FILIP1L: variants seen among roughly 807,000 people sequenced by gnomAD.
FILIP1L encodes filamin A interacting protein 1 like, also known as filamin A-interacting protein 1-like.
A neutral mutation model predicts 96.6 loss-of-function variants in FILIP1L; 55 were observed. That is an observed-to-expected ratio of 0.57 (90% CI 0.46 to 0.71). The LOEUF is 0.71. Among genes scored for constraint, FILIP1L ranks in the 30% least tolerant of loss-of-function variants. FILIP1L has a pLI of 0.00. For synonymous variants in FILIP1L, 467 were observed against 473.9 expected (o/e 0.99, Z 0.19); for missense variants, 1,304 against 1,321.2 (o/e 0.99, Z 0.20).
intron 1 of FILIP1L, among the ~76,000 whole-genome samples, chr3:99,958,795 G>T (rs1708412557): frequency 6.6e-6 from 1 of 152,150 alleles, no homozygotes; most frequent in African/African-American, 2.4e-5. Context: ...AGTGGAACAG[G>T]CAGAGAAGGG....
chr3:100,092,813 T>A (rs546507918), intron 1 of FILIP1L, among the ~76,000 whole-genome samples: 22 of 151,880 alleles, frequency 1.4e-4, no homozygotes, highest in African/African-American at 5.1e-4. Context: ...GGATCAGAAG[T>A]ATCTATTACC....
At chr3:100,075,697 A>T (rs994254791) in intron 1 of FILIP1L, 6 of 152,064 alleles carry the variant, frequency 3.9e-5, no homozygotes, top group African/African-American at 1.4e-4. Flanking sequence ...ATTACACAAC[A>T]TGGTAATAAC....
intron 1 of FILIP1L, among the ~76,000 whole-genome samples, chr3:100,038,545 T>G (rs1265196259): frequency 2.0e-5 from 3 of 152,228 alleles, no homozygotes; most frequent in Admixed American, 1.3e-4. Context: ...ACATTGTAAT[T>G]GCAAAAGATT....
In FILIP1L at chr3:100,042,610, T is replaced by C. The variant is rs536844928; in HGVS notation, c.-11+71443A>G. Among the ~76,000 whole-genome samples, 49 of 152,344 alleles carry C rather than the reference T, an allele frequency of 3.2e-4. 2 individuals carry two copies. The South Asian group carries it at 9.9e-3, about 31-fold the overall frequency. ...GACATTGTTAACCAGAGTACATAATTAGAACAATTCCAACCATGCCAGATG... is the reference window on the plus strand; with the variant it reads ...GACATTGTTAACCAGAGTACATAATCAGAACAATTCCAACCATGCCAGATG... On this transcript the variant is annotated intron_variant, in intron 1 of 5. Transcript: ENST00000477258.
intron 5 of FILIP1L, among the ~76,000 whole-genome samples, chr3:99,841,296 A>G (rs1943119106): frequency 6.6e-6 from 1 of 152,256 alleles, no homozygotes. Flanking sequence ...CAAATATATC[A>G]AATTATAAAC....
At chr3:99,997,070 C>T (rs1484814122) in intron 1 of FILIP1L, among the ~76,000 whole-genome samples, 1 of 152,032 alleles carries the variant, frequency 6.6e-6, no homozygotes, top group African/African-American at 2.4e-5. Context: ...AACCTAACAT[C>T]ACAAACTAAA....
chr3:99,857,811 A>G (rs185474421), intron 4 of FILIP1L, among the ~76,000 whole-genome samples: 1 of 152,284 alleles, frequency 6.6e-6, no homozygotes, highest in East Asian at 1.9e-4. Context: ...CTTTAAGGAA[A>G]CCTATTTTTC....
chr3:100,001,034 C>G (rs1250102027), intron 1 of FILIP1L, among the ~76,000 whole-genome samples: 1 of 152,092 alleles, frequency 6.6e-6, no homozygotes, highest in African/African-American at 2.4e-5. Context: ...TTGAATTGTT[C>G]TATATTTCAC....
At chr3:99,852,204 G>A (rs1192507947) in intron 4 of FILIP1L, among the ~76,000 whole-genome samples, 2 of 152,160 alleles carry the variant, frequency 1.3e-5, no homozygotes, top group Admixed American at 6.5e-5. Context: ...TGTAATTACA[G>A]CTTTGCAGTA....
intron 1 of FILIP1L, among the ~76,000 whole-genome samples, chr3:100,109,619 A>G (rs909995720): frequency 6.6e-6 from 1 of 152,150 alleles, no homozygotes; most frequent in Non-Finnish European, 1.5e-5. Context: ...TTCAATTGGC[A>G]TAATGCAATT....
At chr3:99,963,638 G>A (rs1708559342) in intron 1 of FILIP1L, among the ~76,000 whole-genome samples, 1 of 151,606 alleles carries the variant, frequency 6.6e-6, no homozygotes, top group Non-Finnish European at 1.5e-5. Context: ...TTTAGACGGA[G>A]TGTCGCTCTG....
intron 3 of FILIP1L, chr3:99,925,751 T>G (rs1233060125): frequency 1.8e-6 from 1 of 541,388 alleles, no homozygotes. Context: ...CCAAGTGCAC[T>G]TGGTGGAAGT....
At chr3:99,836,328 G>T (rs1249758863) in intron 5 of FILIP1L, among the ~76,000 whole-genome samples, 2 of 152,134 alleles carry the variant, frequency 1.3e-5, no homozygotes, top group Non-Finnish European at 2.9e-5. Context: ...AGTGGGGAAG[G>T]TGATGGACCA....
intron 1 of FILIP1L, among the ~76,000 whole-genome samples, chr3:99,975,930 G>A (rs1708956551): frequency 6.6e-6 from 1 of 152,172 alleles, no homozygotes; most frequent in Admixed American, 6.5e-5. Context: ...TGTTGTCCAG[G>A]CTGGAGTGCA....
At chr3:99,913,916 T>G (rs765102843) in intron 4 of FILIP1L, among the ~76,000 whole-genome samples, 6 of 152,112 alleles carry the variant, frequency 3.9e-5, no homozygotes, top group Non-Finnish European at 5.9e-5. Context: ...TATTTCAGAG[T>G]GTTACTGAGA....
intron 1 of FILIP1L, among the ~76,000 whole-genome samples, chr3:99,966,737 G>T (rs1330806137): frequency 6.6e-6 from 1 of 152,198 alleles, no homozygotes; most frequent in African/African-American, 2.4e-5. Flanking sequence ...TGTCAGATTT[G>T]AAAAATCATT....
At chr3:99,908,247 C>A (rs867246237) in intron 4 of FILIP1L, among the ~76,000 whole-genome samples, 20 of 152,258 alleles carry the variant, frequency 1.3e-4, no homozygotes, top group Middle Eastern at 3.4e-3. Context: ...GCAAATAAGA[C>A]CTTTCTATTA....
At chr3:100,098,407 A>G (rs2066248184) in intron 1 of FILIP1L, among the ~76,000 whole-genome samples, 1 of 152,226 alleles carries the variant, frequency 6.6e-6, no homozygotes, top group Non-Finnish European at 1.5e-5. Context: ...TCTCATCTGT[A>G]ACATGATGAC....
At chr3:100,000,019 C>G (rs572632152) in intron 1 of FILIP1L, among the ~76,000 whole-genome samples, 1 of 152,282 alleles carries the variant, frequency 6.6e-6, no homozygotes, top group South Asian at 2.1e-4. Flanking sequence ...CAGACTCCAC[C>G]TCCAGAGTCT....
Sources: gnomAD v4.1 joint callset for allele counts (sites outside exome capture counted in the v4.1 genomes callset) on GRCh38, gnomAD v4.1.1 for gene constraint, MANE v1.5 for transcripts, NCBI Gene and HGNC (gene_info 2026-07-23, HGNC 2026-07-21) for gene names.